ASAH1: variants seen among roughly 807,000 people sequenced by gnomAD.
ASAH1 encodes the protein acid ceramidase.
ASAH1 carries 70 observed loss-of-function variants against 59.5 expected under a neutral mutation model. That is an observed-to-expected ratio of 1.18 (90% confidence interval 0.97 to 1.43). ASAH1 has a LOEUF of 1.43. Ranked by LOEUF, ASAH1 falls within the 40% of genes most tolerant of loss-of-function variation. The pLI, the probability that ASAH1 is intolerant of heterozygous loss-of-function variation, is 0.00. For synonymous variants in ASAH1, 213 were observed against 166.5 expected (o/e 1.28, Z -2.15); for missense variants, 660 against 482.5 (o/e 1.37, Z -3.45).
At chr8:18,078,905 TC>T (rs996005358) in intron 1 of ASAH1, among the ~76,000 whole-genome samples, 3 of 145,982 alleles carry the variant, frequency 2.1e-5, no homozygotes, top group Non-Finnish European at 4.4e-5. Flanking sequence ...TCCCTGCCCT[TC>T]CCTACCTTTC....
intron 2 of ASAH1, among the ~76,000 whole-genome samples, chr8:18,075,146 C>T (rs551175768): frequency 1.3e-5 from 2 of 151,830 alleles, no homozygotes; most frequent in African/African-American, 2.4e-5. Flanking sequence ...CAGGCGCCCG[C>T]CACCACGCCT....
rs773776313 is a variant in ASAH1, at chr8:18,058,899, A to G, written c.1042-8T>C. The G allele has an allele frequency of 3.7e-6, 6 of 1,609,818 alleles. No individual in the cohort carries two copies. The highest frequency in any genetic ancestry group is 4.3e-6 in the Non-Finnish European group (5 of 1,176,238). On this transcript the variant is annotated splice_region_variant and splice_polypyrimidine_tract_variant and intron_variant, in intron 12 of 13. Transcript: ENST00000637790. Reference sequence around the variant, plus strand: ...GGTTTCAAATGAGATATTCTAAAACACAAGAAAATAGTTTTGTTCAGTAAG... The same window carrying G: ...GGTTTCAAATGAGATATTCTAAAACGCAAGAAAATAGTTTTGTTCAGTAAG...
At chr8:18,073,461 G>T (rs1366864223) in intron 2 of ASAH1, among the ~76,000 whole-genome samples, 1 of 152,140 alleles carries the variant, frequency 6.6e-6, no homozygotes, top group African/African-American at 2.4e-5. Flanking sequence ...AACCCACATG[G>T]CTACCTAGGT....
chr8:18,070,293 G>C (rs927891427), intron 3 of ASAH1, among the ~76,000 whole-genome samples: 11 of 152,160 alleles, frequency 7.2e-5, no homozygotes, highest in African/African-American at 2.4e-4. Flanking sequence ...GGGACTACAG[G>C]CATGCACCAC....
At chr8:18,071,473 G>A (rs1043318646) in intron 2 of ASAH1, 83 bp from the exon 3 acceptor site, 1 of 952,332 alleles carries the variant, frequency 1.1e-6, no homozygotes, top group Non-Finnish European at 1.6e-6. Context: ...GAATATATGA[G>A]AGGCAAAGTC....
chr8:18,059,966 T>G, intron 10 of ASAH1: 1 of 385,496 alleles, frequency 2.6e-6, no homozygotes, highest in Non-Finnish European at 4.9e-6. Flanking sequence ...GTGCGTGATG[T>G]TCCCCTCCCT....
intron 3 of ASAH1, among the ~76,000 whole-genome samples, chr8:18,070,336 G>A (rs111494137): frequency 0.018 from 2,696 of 152,260 alleles, 77 homozygotes; most frequent in African/African-American, 0.055. Context: ...TTTTAGTAGA[G>A]ACGGGGTTTC....
intron 7 of ASAH1, 173 bp from the exon 8 acceptor site, chr8:18,062,596 G>A (rs1352550842): frequency 1.5e-5 from 11 of 722,498 alleles, no homozygotes; most frequent in Non-Finnish European, 2.3e-5. Context: ...TGATAAAATT[G>A]AGGTTCAGAG....
At chr8:18,073,381 T>G in intron 2 of ASAH1, 1 of 1,105,778 alleles carries the variant, frequency 9.0e-7, no homozygotes, top group South Asian at 1.4e-5. Flanking sequence ...ACAAGAAATA[T>G]CATTTCATCA....
chr8:18,072,936 AT>A (rs1485727674), intron 2 of ASAH1, among the ~76,000 whole-genome samples: 5 of 152,106 alleles, frequency 3.3e-5, no homozygotes, highest in African/African-American at 1.2e-4. Context: ...CCCGCCATAA[AT>A]TCCTGATTCT....
chr8:18,062,113 C>T (rs1472529149), intron 8 of ASAH1, 166 bp downstream of exon 8: 3 of 919,112 alleles, frequency 3.3e-6, no homozygotes, highest in African/African-American at 3.3e-5. Flanking sequence ...CCTTTCTACT[C>T]TTCTCTACCA....
Position 18,063,189 on chromosome 8 carries a change from G to C in ASAH1, c.499C>G (p.Leu167Val). 1 of 1,613,812 alleles carries C rather than the reference G, an allele frequency of 6.2e-7. No homozygotes were observed. Residue 167 changes from leucine to valine, a missense_variant, in exon 7 of 14, where the codon CTT becomes GTT. Leu to Val is a conservative substitution (Grantham distance 32). Coordinates refer to ENST00000637790, the MANE Select transcript of ASAH1 (RefSeq NM_177924.5). ...GACCCTTTGTTCTTTACTTACCCAA[G>C]AAATACTCCAAAATCCATGTTTCTC... is the stretch of plus-strand genomic sequence containing the variant. ...HGRNMDFGVFLGWNINNDTWV... is the reference protein window; with the variant it reads ...HGRNMDFGVFVGWNINNDTWV...
intron 10 of ASAH1, 171 bp from the exon 11 acceptor site, chr8:18,059,874 T>C (rs1047402092): frequency 4.8e-6 from 3 of 627,398 alleles, no homozygotes; most frequent in Middle Eastern, 4.5e-4. Context: ...CAACCCATCA[T>C]CTAAGTTTCA....
intron 6 of ASAH1, 151 bp from the exon 7 acceptor site, chr8:18,063,381 G>A: frequency 1.4e-6 from 1 of 717,754 alleles, no homozygotes; most frequent in Non-Finnish European, 2.5e-6. Flanking sequence ...TCAGCTCACT[G>A]CGACCTCTGC....
intron 6 of ASAH1, 93 bp downstream of exon 6, chr8:18,064,364 G>T: frequency 9.9e-7 from 1 of 1,006,722 alleles, no homozygotes; most frequent in Non-Finnish European, 1.5e-6. Flanking sequence ...AATTTACATA[G>T]CAAGCCCAAA....
chr8:18,083,818 G>A, intron 1 of ASAH1, 163 bp downstream of exon 1: 2 of 1,424,690 alleles, frequency 1.4e-6, no homozygotes, highest in Non-Finnish European at 9.3e-7. Context: ...GGGTTCGCCA[G>A]CCCGCTCTGC....
At chr8:18,083,143 C>T (rs1800729522) in intron 1 of ASAH1, 1 of 152,198 alleles carries the variant, frequency 6.6e-6, no homozygotes, top group African/African-American at 2.4e-5. Flanking sequence ...AAGACCATCA[C>T]CATCTAGCCT....
Position 18,058,269 on chromosome 8 carries a change from C to T in ASAH1, c.1098+566G>A, listed in dbSNP as rs115182385. ...GGGATTTGTCCTGGCAGGGTAAAGGCGGCATGTTTACTTTAGGGAGAGCTG... is the reference window on the plus strand; with the variant it reads ...GGGATTTGTCCTGGCAGGGTAAAGGTGGCATGTTTACTTTAGGGAGAGCTG... On this transcript the variant is annotated intron_variant, in intron 13 of 13. Coordinates refer to ENST00000637790, the MANE Select transcript of ASAH1 (RefSeq NM_177924.5). 5.9e-3 allele frequency: 905 copies of T among 154,202 alleles called. 13 individuals carry two copies. Among genetic ancestry groups the T allele is most frequent in the African/African-American group, 0.021 (856 of 41,498 alleles). The allele number at this position is 154,202 out of a possible 1,614,324, so 9.6% of individuals were successfully genotyped here. A position where few individuals can be genotyped will look rare whatever the true frequency, so the allele number is the denominator to read the frequency against.
chr8:18,080,558 T>G (rs1655185808), intron 1 of ASAH1, among the ~76,000 whole-genome samples: 1 of 152,124 alleles, frequency 6.6e-6, no homozygotes, highest in South Asian at 2.1e-4. Context: ...ACTCTCCTAT[T>G]TTTTTGTTTT....
Sources: gnomAD v4.1 joint callset for allele counts (sites outside exome capture counted in the v4.1 genomes callset) on GRCh38, gnomAD v4.1.1 for gene constraint, MANE v1.5 for transcripts, NCBI Gene and HGNC (gene_info 2026-07-23, HGNC 2026-07-21) for gene names.